Variants in OSTF1 observed in about 807,000 individuals in gnomAD.
OSTF1 encodes the protein osteoclast stimulating factor 1, also known as osteoclast-stimulating factor 1.
In OSTF1, 27 loss-of-function variants were observed where a neutral mutation model predicts 37.2. That is an observed-to-expected ratio of 0.73 (90% CI 0.54 to 1.00). OSTF1 has a LOEUF of 1.00. Ranked by LOEUF, OSTF1 falls within the 50% of genes least tolerant of loss-of-function variation. OSTF1 has a pLI of 0.00. For synonymous variants in OSTF1, 82 were observed against 89.2 expected (o/e 0.92, Z 0.46); for missense variants, 232 against 253.8 (o/e 0.91, Z 0.58).
intron 1 of OSTF1, among the ~76,000 whole-genome samples, chr9:75,100,597 G>A (rs1825173641): frequency 6.6e-6 from 1 of 152,032 alleles, no homozygotes; most frequent in Non-Finnish European, 1.5e-5. Flanking sequence ...GGGCCGTGGT[G>A]GCGCATGTCT....
At position 75,097,535 on chromosome 9, in the gene OSTF1, A is replaced by G. The variant is rs768619464; in HGVS notation, c.34+8809A>G. ...GTTATAATCAAGTTTACATTTTCCA[A>G]ACATCAAGTCTTCAGTGTCTTGATG... On this transcript the variant is annotated intron_variant, in intron 1 of 9. Transcript: ENST00000346234. 9.8e-5 allele frequency among the ~76,000 whole-genome samples: 15 copies of G among 152,336 alleles called. No individual in the cohort carries two copies. The East Asian group carries it at 2.1e-3, about 22-fold the overall frequency.
At chr9:75,133,969 A>G (rs1203329035) in intron 6 of OSTF1, among the ~76,000 whole-genome samples, 1 of 152,220 alleles carries the variant, frequency 6.6e-6, no homozygotes, top group Non-Finnish European at 1.5e-5. Flanking sequence ...CAACAACAAT[A>G]AGAAATGAAG....
chr9:75,120,871 A>G (rs1176876979), intron 2 of OSTF1, among the ~76,000 whole-genome samples: 1 of 152,200 alleles, frequency 6.6e-6, no homozygotes, highest in Non-Finnish European at 1.5e-5. Context: ...AACCCTTTCT[A>G]GACCCATGGC....
chr9:75,089,222 G>A (rs1824889777), intron 1 of OSTF1, among the ~76,000 whole-genome samples: 1 of 151,658 alleles, frequency 6.6e-6, no homozygotes, highest in Non-Finnish European at 1.5e-5. Flanking sequence ...GCGTGGAGCA[G>A]CGTTTGAAAT....
intron 1 of OSTF1, among the ~76,000 whole-genome samples, chr9:75,106,914 A>C (rs1825295230): frequency 6.6e-6 from 1 of 150,852 alleles, no homozygotes; most frequent in Non-Finnish European, 1.5e-5. Flanking sequence ...AGATTATGCC[A>C]CTGCACTCCA....
At chr9:75,100,407 C>T (rs1564154365) in intron 1 of OSTF1, among the ~76,000 whole-genome samples, 1 of 152,038 alleles carries the variant, frequency 6.6e-6, no homozygotes, top group Non-Finnish European at 1.5e-5. Context: ...TCTGGGCATC[C>T]ATCAGTGAAA....
At chr9:75,103,181 T>C (rs1244839752) in intron 1 of OSTF1, among the ~76,000 whole-genome samples, 1 of 152,196 alleles carries the variant, frequency 6.6e-6, no homozygotes, top group Non-Finnish European at 1.5e-5. Context: ...TGGTCCCAGC[T>C]GCCCAGGAGT....
intron 5 of OSTF1, among the ~76,000 whole-genome samples, 177 bp from the exon 6 acceptor site, chr9:75,133,117 A>G (rs1194493200): frequency 6.6e-6 from 1 of 152,186 alleles, no homozygotes; most frequent in Non-Finnish European, 1.5e-5. Context: ...ACTTTCCATT[A>G]ATAAGCTGGA....
At chr9:75,096,317 A>C (rs1825085807) in intron 1 of OSTF1, among the ~76,000 whole-genome samples, 1 of 152,210 alleles carries the variant, frequency 6.6e-6, no homozygotes, top group East Asian at 1.9e-4. Context: ...GGATGGTTTT[A>C]TATTTGTGCA....
At chr9:75,117,041 C>G (rs1296194546) in intron 1 of OSTF1, among the ~76,000 whole-genome samples, 2 of 151,954 alleles carry the variant, frequency 1.3e-5, no homozygotes, top group African/African-American at 4.8e-5. Flanking sequence ...TATGTAGTCA[C>G]ATTGATATAT....
At chr9:75,139,279 C>T (rs578001567) in intron 8 of OSTF1, among the ~76,000 whole-genome samples, 210 of 152,024 alleles carry the variant, frequency 1.4e-3, no homozygotes, top group African/African-American at 4.9e-3. Context: ...AGCGATCCGC[C>T]TGCCTCAGCC....
At chr9:75,097,743 G>A (rs578176506) in intron 1 of OSTF1, among the ~76,000 whole-genome samples, 2 of 141,026 alleles carry the variant, frequency 1.4e-5, no homozygotes, top group South Asian at 2.3e-4. Flanking sequence ...TCTGGCCCTC[G>A]TGCCGTCCCC....
chr9:75,139,431 GT>G (rs937539458), intron 8 of OSTF1, among the ~76,000 whole-genome samples: 1 of 151,342 alleles, frequency 6.6e-6, no homozygotes, highest in Non-Finnish European at 1.5e-5. Context: ...TTCTTTTTTT[GT>G]TTTTTTGGTT....
intron 1 of OSTF1, among the ~76,000 whole-genome samples, chr9:75,103,829 CTTG>C (rs1825237735): frequency 6.6e-6 from 1 of 152,182 alleles, no homozygotes; most frequent in Admixed American, 6.5e-5. Flanking sequence ...TAGACAAGGT[CTTG>C]TTGTGTTGCC....
At chr9:75,125,259 C>T (rs538099276) in intron 2 of OSTF1, among the ~76,000 whole-genome samples, 19 of 152,178 alleles carry the variant, frequency 1.2e-4, no homozygotes, top group African/African-American at 3.9e-4. Context: ...TGCTGGCGTG[C>T]GGAGAGAATC....
At chr9:75,094,601 G>T (rs183846622) in intron 1 of OSTF1, among the ~76,000 whole-genome samples, 1 of 152,000 alleles carries the variant, frequency 6.6e-6, no homozygotes, top group African/African-American at 2.4e-5. Context: ...TATACCTCAG[G>T]GCATAACAGA....
intron 1 of OSTF1, among the ~76,000 whole-genome samples, chr9:75,098,967 C>T (rs1332241509): frequency 1.3e-5 from 2 of 152,104 alleles, no homozygotes; most frequent in African/African-American, 4.8e-5. Flanking sequence ...ATGGAGTTTT[C>T]CTCTTGTTGC....
rs893664708 is a variant in OSTF1 at position 75,091,463 on chromosome 9, G to A, written c.34+2737G>A. On this transcript the variant is annotated intron_variant, in intron 1 of 9. Coordinates refer to ENST00000346234, the MANE Select transcript of OSTF1 (RefSeq NM_012383.5). ...TTTTAGAGCTGGTGGTCAGGAAGTC[G>A]AAAGGGAGGGGCCTCTGGTCTACAG... 2.6e-5 allele frequency among the ~76,000 whole-genome samples: 4 copies of A among 152,252 alleles called. No individual in the cohort carries two copies. In the East Asian group the frequency reaches 7.7e-4, roughly 29 times the overall value.
At chr9:75,091,622 C>T in intron 1 of OSTF1, among the ~76,000 whole-genome samples, 1 of 152,108 alleles carries the variant, frequency 6.6e-6, no homozygotes, top group Admixed American at 6.5e-5. Flanking sequence ...GGATTGGGGG[C>T]TTTGGGGTTG....
Sources: gnomAD v4.1 joint callset for allele counts (sites outside exome capture counted in the v4.1 genomes callset) on GRCh38, gnomAD v4.1.1 for gene constraint, MANE v1.5 for transcripts, NCBI Gene and HGNC (gene_info 2026-07-23, HGNC 2026-07-21) for gene names.